Variants in BCAM observed in about 807,000 individuals in gnomAD.
The protein encoded by BCAM is basal cell adhesion molecule.
BCAM carries 61 observed loss-of-function variants against 72.4 expected under a neutral mutation model. The observed-to-expected ratio is 0.84, with a 90% CI of 0.69 to 1.04. The LOEUF is 1.04. BCAM is among the 50% of genes least tolerant of loss of function. The probability of loss-of-function intolerance (pLI) is 0.00; values close to 1 mark genes in which losing one functional copy is unlikely to be tolerated. For missense variants in BCAM, 909 were observed against 895.0 expected, an observed-to-expected ratio of 1.02 and a Z score of -0.20; for synonymous variants, 408 against 384.2, an observed-to-expected ratio of 1.06 and a Z score of -0.73.
At position 44,821,166 on chromosome 19, in the gene BCAM, C is replaced by T. The variant is rs1020434294; in HGVS notation, c.*245C>T. 3.9e-6 allele frequency: 2 copies of T among 509,344 alleles called. No homozygotes were observed. Among genetic ancestry groups the T allele is most frequent in the Non-Finnish European group, 6.7e-6 (2 of 299,340 alleles). 31.6% of individuals were successfully genotyped at this position (509,344 alleles called of 1,614,324 possible). ...TCCAGGGAATGTGACTCTCCCAGGC[C>T]CCAGAATAGCTCCTGGACCCAAGCC... On this transcript the variant is annotated 3_prime_UTR_variant, in exon 15 of 15. Transcript: ENST00000270233.
rs201632757 is a variant in BCAM at position 44,814,917 on chromosome 19, T to TG, written c.1078+157_1078+158insG. ...GGGGGTTTTTTTGGTTGTTTTTTTT[T>TG]TTTTTTTTTTCCCAGAGACAGGACC... On this transcript the variant is annotated intron_variant, in intron 8 of 14. Transcript: ENST00000270233. The surrounding 1 kb of genome is among the most constrained non-coding windows in gnomAD (Gnocchi z 4.6). Among the ~76,000 whole-genome samples the TG allele has an allele frequency of 0.049, 7,357 of 149,844 alleles. 461 individuals carry two copies. Among genetic ancestry groups the TG allele is most frequent in the African/African-American group, 0.13 (5,243 of 40,774 alleles).
At position 44,818,932 on chromosome 19, in the gene BCAM, T is replaced by G. The variant is rs1265659859; in HGVS notation, c.1336+50T>G. 1.2e-6 allele frequency: 2 copies of G among 1,603,776 alleles called. No individual in the cohort carries two copies. Among genetic ancestry groups the G allele is most frequent in the Admixed American group, 3.4e-5 (2 of 59,480 alleles). On this transcript the variant is annotated intron_variant, in intron 10 of 14. Transcript: ENST00000270233. This position sits in a 1 kb window ranked among gnomAD's most constrained non-coding sequence, Gnocchi z 4.6. Reference sequence around the variant, plus strand: ...GCTTGGATGGGGACAGTGTGGGGTGTGGGACCTGGACAAACAGGACGAGTT... The same window carrying G: ...GCTTGGATGGGGACAGTGTGGGGTGGGGGACCTGGACAAACAGGACGAGTT...
At chr19:44,817,046 G>A (rs1455827598) in intron 8 of BCAM, among the ~76,000 whole-genome samples, 1 of 152,034 alleles carries the variant, frequency 6.6e-6, no homozygotes, top group Non-Finnish European at 1.5e-5. Context: ...GACCATCCTG[G>A]CTAACACGGT....
rs542696278 is a variant in BCAM, at chr19:44,813,460, G to C, written c.624G>C (p.Thr208=). The C allele has an allele frequency of 5.6e-6, 9 of 1,611,576 alleles. No individual in the cohort carries two copies. The highest frequency in any genetic ancestry group is 1.7e-4 in the Middle Eastern group (1 of 6,060). ...CAGAGGGCTACATGACCAGCCGCAC[G>C]GTCCGGGAGGCCTCGGGCCTGCTCT... ...MNPEGYMTSR[T]VREASGLLSL... is the part of the protein sequence containing the mutation. Residue 208 remains threonine, a synonymous_variant, in exon 6 of 15, where the codon ACG becomes ACC. Coordinates refer to ENST00000270233, the MANE Select transcript of BCAM (RefSeq NM_005581.5). The surrounding 1 kb of genome is among the most constrained non-coding windows in gnomAD (Gnocchi z 4.2).
In BCAM at chr19:44,820,979, G is replaced by T; in HGVS notation, c.*58G>T. 1 of 1,509,224 alleles carries T rather than the reference G, an allele frequency of 6.6e-7. No homozygotes were observed. Among genetic ancestry groups the T allele is most frequent in the African/African-American group, 1.4e-5 (1 of 71,166 alleles). 93.5% of individuals were successfully genotyped at this position (1,509,224 alleles called of 1,614,324 possible). A position where few individuals can be genotyped will look rare whatever the true frequency, so the allele number is the denominator to read the frequency against. The stretch of plus-strand genomic sequence containing the variant: ...TGGAGCTGCAGGCATCAGAGAACCA[G>T]CCCTGCTCACGCCATGCCCGCCCCC... On this transcript the variant is annotated 3_prime_UTR_variant, in exon 15 of 15. Transcript: ENST00000270233.
intron 13 of BCAM, chr19:44,820,242 A>G: frequency 6.0e-6 from 6 of 993,802 alleles, no homozygotes; most frequent in Non-Finnish European, 7.1e-6. Context: ...CTCCAAGCCT[A>G]TCTCTCACCA....
At position 44,814,595 on chromosome 19, in the gene BCAM, G is replaced by A. The variant is rs200794949; in HGVS notation, c.922-9G>A. ...TTCTGAGCCTGGTTCCTCGTCCCCC[G>A]TCTCCCAGGATGAGCAGGAGGAAGT... On this transcript the variant is annotated splice_polypyrimidine_tract_variant and intron_variant, in intron 7 of 14. Coordinates refer to ENST00000270233, the MANE Select transcript of BCAM (RefSeq NM_005581.5). The surrounding 1 kb of genome is among the most constrained non-coding windows in gnomAD (Gnocchi z 4.6). The A allele has an allele frequency of 2.2e-4, 349 of 1,610,024 alleles. 2 individuals carry two copies. In the African/African-American group the frequency reaches 4.2e-3, roughly 19 times the overall value.
chr19:44,820,054 C>G, intron 13 of BCAM: 1 of 1,215,658 alleles, frequency 8.2e-7, no homozygotes, highest in Non-Finnish European at 1.0e-6. Flanking sequence ...ATCCCCAACT[C>G]CATGCCTGTC....
intron 2 of BCAM, 179 bp downstream of exon 2, chr19:44,811,525 C>T (rs1968419612): frequency 3.0e-6 from 3 of 1,007,700 alleles, no homozygotes; most frequent in Non-Finnish European, 4.3e-6. Flanking sequence ...CTAGGCACAG[C>T]CAAGTCTAGA....
rs747305308 is a variant in BCAM, at chr19:44,819,409, A to G, written c.1537A>G (p.Ser513Gly). 8.1e-6 allele frequency: 13 copies of G among 1,614,026 alleles called. No individual in the cohort carries two copies. Among genetic ancestry groups the G allele is most frequent in the Non-Finnish European group, 1.1e-5 (13 of 1,179,944 alleles). ...VSSSLTLKVT[S>G]ALSRDGISCE... ...CAGCTCTCTGACCCTGAAAGTGACC[A>G]GCGCCCTGAGCCGCGATGGCATCTC... is the stretch of plus-strand genomic sequence containing the variant. Residue 513 changes from serine to glycine, a missense_variant, in exon 12 of 15, where the codon AGC becomes GGC. Coordinates refer to ENST00000270233, the MANE Select transcript of BCAM (RefSeq NM_005581.5).
Position 44,813,094 on chromosome 19 carries a change from C to T in BCAM, c.505-156C>T. 3.9e-6 allele frequency: 3 copies of T among 775,860 alleles called. No homozygotes were observed. Among genetic ancestry groups the T allele is most frequent in the Non-Finnish European group, 6.1e-6 (3 of 492,490 alleles). The allele number at this position is 775,860 out of a possible 1,614,324, so 48.1% of individuals were successfully genotyped here. ...GTGCTGGAGGCCTGGACTCTTTAGT[C>T]TGAGTCGGGGACTAGGAATTTGGAC... On this transcript the variant is annotated intron_variant, in intron 4 of 14. Coordinates refer to ENST00000270233, the MANE Select transcript of BCAM (RefSeq NM_005581.5). The surrounding 1 kb of genome is among the most constrained non-coding windows in gnomAD (Gnocchi z 4.2).
In BCAM at chr19:44,809,759, C is replaced by T. The variant is rs28399601; in HGVS notation, c.82+553C>T. Among the ~76,000 whole-genome samples, 1,105 of 151,686 alleles carry T rather than the reference C, an allele frequency of 7.3e-3. 11 individuals carry two copies. The highest frequency in any genetic ancestry group is 0.026 in the African/African-American group (1,066 of 41,394). ...CAGGAAAGGGCTGGAGCACCAGCCC[C>T]GGGCAGTGACAGTGGAACAAAGTGT... On this transcript the variant is annotated intron_variant, in intron 1 of 14. Coordinates refer to ENST00000270233, the MANE Select transcript of BCAM (RefSeq NM_005581.5).
At chr19:44,820,427 T>C in intron 13 of BCAM, 1 of 1,197,386 alleles carries the variant, frequency 8.4e-7, no homozygotes, top group Non-Finnish European at 1.0e-6. Context: ...ATGGCCGTCC[T>C]CACCTCCAAT....
At chr19:44,819,265 G>A in intron 11 of BCAM, 73 bp downstream of exon 11, 1 of 1,610,350 alleles carries the variant, frequency 6.2e-7, no homozygotes, top group Non-Finnish European at 8.5e-7. Flanking sequence ...TCCACTTCCT[G>A]GGAGACTGGA....
intron 1 of BCAM, among the ~76,000 whole-genome samples, chr19:44,810,171 G>A (rs1968398231): frequency 6.6e-6 from 1 of 152,112 alleles, no homozygotes; most frequent in Non-Finnish European, 1.5e-5. Flanking sequence ...CCAGCCCAGA[G>A]GGTGAGGGAG....
In BCAM at chr19:44,819,142, G is replaced by A. The variant is rs779699109; in HGVS notation, c.1423G>A (p.Ala475Thr). ...AGACGAAGTCACACTCATCTGCTCT[G>A]CCCGCGGCCATCCAGACCCCAAACT... ...EGDEVTLICS[A>T]RGHPDPKLSW... Residue 475 changes from alanine (A) to threonine (T), a missense_variant, in exon 11 of 15, where the codon GCC (alanine) becomes ACC (threonine). By Grantham distance (58) the Ala-to-Thr change is moderately conservative. Transcript: ENST00000270233. The A allele has an allele frequency of 1.9e-6, 3 of 1,614,116 alleles. No homozygotes were observed. The highest frequency in any genetic ancestry group is 2.5e-6 in the Non-Finnish European group (3 of 1,179,990).
Position 44,818,733 on chromosome 19 carries a change from C to G in BCAM, c.1195-8C>G, listed in dbSNP as rs771472781. On this transcript the variant is annotated splice_region_variant and splice_polypyrimidine_tract_variant and intron_variant, in intron 9 of 14. Transcript: ENST00000270233. This position sits in a 1 kb window ranked among gnomAD's most constrained non-coding sequence, Gnocchi z 4.6. ...CACAGCGTCCTCCTCCTCCTCTGCC[C>G]TTCCCAGGACTCCACTCCCCTGGGC... is the stretch of plus-strand genomic sequence containing the variant. 3.1e-6 allele frequency: 5 copies of G among 1,614,036 alleles called. No homozygotes were observed. The highest frequency in any genetic ancestry group is 3.4e-6 in the Non-Finnish European group (4 of 1,179,930).
chr19:44,811,913 A>G (rs1968426174), intron 2 of BCAM: 1 of 550,330 alleles, frequency 1.8e-6, no homozygotes, highest in Non-Finnish European at 3.2e-6. Context: ...AATGAGAGAC[A>G]ATCGGGAGAG....
chr19:44,819,809 C>T (rs1395131798), intron 13 of BCAM, 83 bp downstream of exon 13: 3 of 1,459,370 alleles, frequency 2.1e-6, no homozygotes, highest in Admixed American at 5.2e-5. Flanking sequence ...ATAACCTCAA[C>T]CACATCTTAT....
Sources: gnomAD v4.1 joint callset for allele counts (sites outside exome capture counted in the v4.1 genomes callset) on GRCh38, gnomAD v4.1.1 for gene constraint, Gnocchi (gnomAD v3.1) non-coding constraint, MANE v1.5 for transcripts, NCBI Gene and HGNC (gene_info 2026-07-23, HGNC 2026-07-21) for gene names.